The following FSTL4 variants were observed in gnomAD, a reference collection of about 807,000 sequenced individuals.
The protein encoded by FSTL4 is follistatin-related protein 4.
In FSTL4, 28 loss-of-function variants were observed where a neutral mutation model predicts 78.2. That is an observed-to-expected ratio of 0.36 (90% confidence interval 0.27 to 0.49). The LOEUF is 0.49. FSTL4 is among the 20% of genes least tolerant of loss of function. The probability of loss-of-function intolerance (pLI) is 0.98; values close to 1 mark genes in which losing one functional copy is unlikely to be tolerated. For missense variants in FSTL4, 922 were observed against 1,084.9 expected, an observed-to-expected ratio of 0.85 and a Z score of 2.11; for synonymous variants, 422 against 440.5, an observed-to-expected ratio of 0.96 and a Z score of 0.53.
intron 2 of FSTL4, among the ~76,000 whole-genome samples, chr5:133,578,043 A>G (rs1476486918): frequency 6.6e-6 from 1 of 152,256 alleles, no homozygotes; most frequent in Non-Finnish European, 1.5e-5. Flanking sequence ...TAAGGAAACC[A>G]GTATTACATG....
intron 3 of FSTL4, among the ~76,000 whole-genome samples, chr5:133,552,653 C>G (rs1249836362): frequency 6.6e-6 from 1 of 152,150 alleles, no homozygotes; most frequent in Non-Finnish European, 1.5e-5. Flanking sequence ...GAATCTGGCC[C>G]ACGAGCCACC....
chr5:133,534,753 C>T (rs1423320173), intron 3 of FSTL4, among the ~76,000 whole-genome samples: 16 of 152,140 alleles, frequency 1.1e-4, no homozygotes, highest in Admixed American at 8.5e-4. Context: ...TTCCCTCACA[C>T]GCCCAGCTGT....
chr5:133,295,377 G>A (rs1753368019), intron 6 of FSTL4, among the ~76,000 whole-genome samples: 1 of 152,080 alleles, frequency 6.6e-6, no homozygotes, highest in Admixed American at 6.6e-5. Context: ...TGGTTGTACT[G>A]CCTCTTCCTT....
chr5:133,366,022 G>A lies in FSTL4; in HGVS notation c.409+34716C>T, dbSNP rs1755174646. Among the ~76,000 whole-genome samples, 6 of 152,134 alleles carry A rather than the reference G, an allele frequency of 3.9e-5. No homozygotes were observed. In the South Asian group the frequency reaches 1.2e-3, roughly 32 times the overall value. On this transcript the variant is annotated intron_variant, in intron 4 of 15. Transcript: ENST00000265342. The stretch of plus-strand genomic sequence containing the variant: ...TTACCCTCCTCTAATGGGCAACCCA[G>A]ACTCTTGTCATCCACAAGGCCCCAC...
chr5:133,441,539 C>G (rs894721925), intron 3 of FSTL4, among the ~76,000 whole-genome samples: 2 of 152,188 alleles, frequency 1.3e-5, no homozygotes, highest in Admixed American at 6.5e-5. Flanking sequence ...GAAAATCCAC[C>G]AGCACGGAGC....
chr5:133,505,199 T>G (rs997807859), intron 3 of FSTL4, among the ~76,000 whole-genome samples: 2 of 152,196 alleles, frequency 1.3e-5, no homozygotes, highest in African/African-American at 4.8e-5. Flanking sequence ...AATTTTTGCC[T>G]TCCTCTCTCT....
At chr5:133,489,199 G>A (rs1377672924) in intron 3 of FSTL4, among the ~76,000 whole-genome samples, 1 of 152,162 alleles carries the variant, frequency 6.6e-6, no homozygotes, top group Non-Finnish European at 1.5e-5. Flanking sequence ...CCCGTTTCTC[G>A]GCTAACCTTC....
intron 14 of FSTL4, 67 bp from the exon 15 acceptor site, chr5:133,202,109 T>TA: frequency 1.0e-6 from 1 of 981,612 alleles, no homozygotes. Context: ...GAGACACCTG[T>TA]ACGCTCAGGT....
the FSTL4 span, among the ~76,000 whole-genome samples, chr5:133,694,686 A>G: frequency 6.6e-6 from 1 of 152,214 alleles, no homozygotes; most frequent in African/African-American, 2.4e-5. Flanking sequence ...GGCTGCCACA[A>G]CAAAAATACC....
chr5:133,467,199 T>C (rs527506716), intron 3 of FSTL4, among the ~76,000 whole-genome samples: 19 of 151,076 alleles, frequency 1.3e-4, no homozygotes, highest in African/African-American at 3.9e-4. Context: ...TATGTGAGTA[T>C]ATGAGTGTGT....
the FSTL4 span, among the ~76,000 whole-genome samples, chr5:133,750,114 T>G: frequency 2.0e-5 from 3 of 151,996 alleles, no homozygotes; most frequent in Non-Finnish European, 2.9e-5. Flanking sequence ...AAATCATATT[T>G]TGAGCCAAAA....
At chr5:133,228,033 C>A (rs1561630687) in intron 8 of FSTL4, among the ~76,000 whole-genome samples, 1 of 152,066 alleles carries the variant, frequency 6.6e-6, no homozygotes, top group Non-Finnish European at 1.5e-5. Flanking sequence ...TCGAGACTAG[C>A]CTGGGCAACA....
At chr5:133,487,551 T>C (rs1002350814) in intron 3 of FSTL4, among the ~76,000 whole-genome samples, 2 of 152,188 alleles carry the variant, frequency 1.3e-5, no homozygotes, top group African/African-American at 4.8e-5. Flanking sequence ...TTATTAAATG[T>C]AGAAGCTGTA....
chr5:133,515,378 T>C (rs1758832124), intron 3 of FSTL4, among the ~76,000 whole-genome samples: 1 of 149,812 alleles, frequency 6.7e-6, no homozygotes, highest in African/African-American at 2.5e-5. Flanking sequence ...AGCAACAAAG[T>C]GAGAACCCCA....
chr5:133,530,692 G>GCC, intron 3 of FSTL4, among the ~76,000 whole-genome samples: 1 of 152,172 alleles, frequency 6.6e-6, no homozygotes, highest in African/African-American at 2.4e-5. Flanking sequence ...ACTTTTAGGT[G>GCC]GACCTATGGC....
the FSTL4 span, among the ~76,000 whole-genome samples, chr5:133,731,758 A>G: frequency 6.6e-6 from 1 of 152,170 alleles, no homozygotes; most frequent in African/African-American, 2.4e-5. Context: ...AGCATCCCCC[A>G]AGGTGCAAGG....
At chr5:133,700,553 G>T in the FSTL4 span, among the ~76,000 whole-genome samples, 1 of 152,246 alleles carries the variant, frequency 6.6e-6, no homozygotes, top group Non-Finnish European at 1.5e-5. Flanking sequence ...GATGGGGCAG[G>T]TGCTCTGCCT....
chr5:133,767,385 C>A, the FSTL4 span, among the ~76,000 whole-genome samples: 1 of 152,210 alleles, frequency 6.6e-6, no homozygotes, highest in Non-Finnish European at 1.5e-5. Context: ...GATATTGGCA[C>A]CTGGAAGGTG....
chr5:133,340,901 G>A (rs955801924), intron 4 of FSTL4, among the ~76,000 whole-genome samples: 9 of 152,180 alleles, frequency 5.9e-5, no homozygotes, highest in African/African-American at 1.2e-4. Context: ...GGCTGCCCCC[G>A]AGACAGCTAG....
Sources: gnomAD v4.1 joint callset for allele counts (sites outside exome capture counted in the v4.1 genomes callset) on GRCh38, gnomAD v4.1.1 for gene constraint, MANE v1.5 for transcripts, NCBI Gene and HGNC (gene_info 2026-07-23, HGNC 2026-07-21) for gene names.